TMEM170B: variants seen among roughly 807,000 people sequenced by gnomAD.
TMEM170B encodes the protein transmembrane protein 170B.
Under a neutral mutation model 13.0 loss-of-function variants are expected in TMEM170B, and 6 were observed. The observed-to-expected ratio is 0.46, with a 90% confidence interval of 0.25 to 0.91. The LOEUF (loss-of-function observed/expected upper bound fraction) is 0.91, where lower values mean the gene tolerates loss of function less well. TMEM170B is among the 40% of genes least tolerant of loss of function. TMEM170B has a pLI of 0.17. For synonymous variants in TMEM170B, 61 were observed against 64.9 expected (o/e 0.94, Z 0.29); for missense variants, 138 against 165.2 (o/e 0.84, Z 0.90).
chr6:11,555,174 T>G (rs1759572106), intron 1 of TMEM170B, among the ~76,000 whole-genome samples: 1 of 151,612 alleles, frequency 6.6e-6, no homozygotes, highest in African/African-American at 2.4e-5. Context: ...GTCTTTATAG[T>G]TTTTTTTTCC....
rs141497388 is a variant in TMEM170B, at chr6:11,562,140, A to C, written c.98-3526A>C. ...TTTCCTTGTCTCAGGGTAAGTTGAG[A>C]AAAGAGCTCCCTTGATGAAAATATA... On this transcript the variant is annotated intron_variant, in intron 1 of 2. Coordinates refer to ENST00000379426, the MANE Select transcript of TMEM170B (RefSeq NM_001100829.3). Among the ~76,000 whole-genome samples the C allele has an allele frequency of 6.5e-3, 996 of 152,236 alleles. 13 individuals are homozygous for C. Among genetic ancestry groups the C allele is most frequent in the African/African-American group, 0.022 (916 of 41,526 alleles).
intron 1 of TMEM170B, among the ~76,000 whole-genome samples, chr6:11,551,930 A>G (rs923676512): frequency 1.3e-5 from 2 of 152,310 alleles, no homozygotes; most frequent in Admixed American, 1.3e-4. Context: ...CATCAGTAAT[A>G]TGAAACTGGA....
intron 1 of TMEM170B, among the ~76,000 whole-genome samples, chr6:11,545,367 T>A (rs953735916): frequency 3.3e-5 from 5 of 151,422 alleles, no homozygotes; most frequent in African/African-American, 1.2e-4. Context: ...AAAGGCAATA[T>A]GTTCCAAAAC....
Position 11,565,790 on chromosome 6 carries a change from A to G in TMEM170B, c.222A>G (p.Ala74=). 2 of 1,614,182 alleles carry G rather than the reference A, an allele frequency of 1.2e-6. No homozygotes were observed. Among genetic ancestry groups the G allele is most frequent in the Non-Finnish European group, 1.7e-6 (2 of 1,180,004 alleles). The change falls in exon 2 of 3, where the codon GCA becomes GCG. Residue 74 remains alanine, a synonymous_variant. Transcript: ENST00000379426. ...HRQGRVISVI[A]VSIGFLASVT... is the part of the protein sequence containing the mutation. ...AGGGAAGAGTCATCTCTGTCATTGC[A>G]GTCAGCATTGGATTTCTGGCTTCTG...
rs550494358 is a variant in TMEM170B at position 11,578,972 on chromosome 6, A to T, written c.*3411A>T. The T allele has an allele frequency of 6.6e-6, 1 of 152,114 alleles. No individual in the cohort carries two copies. The highest frequency in any genetic ancestry group is 1.5e-5 in the Non-Finnish European group (1 of 68,006). 9.4% of individuals were successfully genotyped at this position (152,114 alleles called of 1,614,324 possible). On this transcript the variant is annotated 3_prime_UTR_variant, in exon 3 of 3. Coordinates refer to ENST00000379426, the MANE Select transcript of TMEM170B (RefSeq NM_001100829.3). The stretch of plus-strand genomic sequence containing the variant: ...TTTTGTAAACACTTCGTGTGGATCC[A>T]CTATGTAAAGTGCTCTACCAAGTAT...
Position 11,537,760 on chromosome 6 carries a change from G to A in TMEM170B, c.-518G>A, listed in dbSNP as rs904956602. On this transcript the variant is annotated 5_prime_UTR_variant, in exon 1 of 3. Coordinates refer to ENST00000379426, the MANE Select transcript of TMEM170B (RefSeq NM_001100829.3). Reference sequence around the variant, plus strand: ...TGGAGGGGGCGGTTCCTCGAGTGTCGGCGACCCGAGGGCGGGCAGGCGGGC... The same window carrying A: ...TGGAGGGGGCGGTTCCTCGAGTGTCAGCGACCCGAGGGCGGGCAGGCGGGC... Among the ~76,000 whole-genome samples, 10 of 151,642 alleles carry A rather than the reference G, an allele frequency of 6.6e-5. No individual in the cohort carries two copies. Among genetic ancestry groups the A allele is most frequent in the Non-Finnish European group, 1.2e-4 (8 of 67,850 alleles).
At chr6:11,549,344 A>G (rs1450828709) in intron 1 of TMEM170B, among the ~76,000 whole-genome samples, 1 of 152,204 alleles carries the variant, frequency 6.6e-6, no homozygotes, top group Non-Finnish European at 1.5e-5. Context: ...ATCATAGAAT[A>G]AACAGTGGCA....
intron 1 of TMEM170B, among the ~76,000 whole-genome samples, chr6:11,550,633 TG>T (rs1426998120): frequency 6.6e-6 from 1 of 152,230 alleles, no homozygotes; most frequent in Non-Finnish European, 1.5e-5. Context: ...CACCTTTTAA[TG>T]TGCTTGGCAT....
rs370129329 is a variant in TMEM170B at position 11,565,869 on chromosome 6, G to A, written c.268+33G>A. 4.5e-5 allele frequency: 73 copies of A among 1,606,890 alleles called. 1 individual carries two copies. The East Asian group carries it at 6.7e-4, about 15-fold the overall frequency. Reference sequence around the variant, plus strand: ...GATTTTCTTTTGTCTGAGGATGTAAGTTTGTATACACTTACCATTTTGGTA... The same window carrying A: ...GATTTTCTTTTGTCTGAGGATGTAAATTTGTATACACTTACCATTTTGGTA... On this transcript the variant is annotated intron_variant, in intron 2 of 2. Transcript: ENST00000379426.
intron 1 of TMEM170B, among the ~76,000 whole-genome samples, chr6:11,565,424 A>G (rs1165399818): frequency 1.3e-5 from 2 of 152,202 alleles, no homozygotes; most frequent in Non-Finnish European, 2.9e-5. Context: ...GGGCATTTAG[A>G]AGAAATTAGA....
intron 1 of TMEM170B, among the ~76,000 whole-genome samples, chr6:11,544,915 G>A (rs1366728987): frequency 6.6e-6 from 1 of 151,616 alleles, no homozygotes; most frequent in Admixed American, 6.6e-5. Flanking sequence ...CAGTTTTTTA[G>A]GTAACTTGAC....
intron 2 of TMEM170B, among the ~76,000 whole-genome samples, chr6:11,570,549 A>G (rs139901823): frequency 0.014 from 2,080 of 152,296 alleles, 27 homozygotes; most frequent in Non-Finnish European, 0.019. Flanking sequence ...AATTTGACAT[A>G]AGGGGAAATA....
At chr6:11,549,174 A>G (rs1225212378) in intron 1 of TMEM170B, among the ~76,000 whole-genome samples, 1 of 152,204 alleles carries the variant, frequency 6.6e-6, no homozygotes, top group East Asian at 1.9e-4. Flanking sequence ...TGATGGCTAT[A>G]TTTATTGAAA....
At chr6:11,563,926 C>T (rs966522755) in intron 1 of TMEM170B, among the ~76,000 whole-genome samples, 2 of 152,130 alleles carry the variant, frequency 1.3e-5, no homozygotes, top group Admixed American at 6.5e-5. Flanking sequence ...GCTGTGGTCA[C>T]GCCACTGCAC....
At chr6:11,545,734 G>GT (rs202140094) in intron 1 of TMEM170B, among the ~76,000 whole-genome samples, 1 of 149,040 alleles carries the variant, frequency 6.7e-6, no homozygotes, top group African/African-American at 2.5e-5. Context: ...ACCCCTACTT[G>GT]TTTAAAAAAA....
chr6:11,538,123 G>C lies in TMEM170B; in HGVS notation c.-155G>C, dbSNP rs1759305416. Reference sequence around the variant, plus strand: ...GCGGCCCCCCCACGGAGGCCCTCCGGCTGCAGCAGCAGCAGCGCCCGGCCC... The same window carrying C: ...GCGGCCCCCCCACGGAGGCCCTCCGCCTGCAGCAGCAGCAGCGCCCGGCCC... On this transcript the variant is annotated 5_prime_UTR_variant, in exon 1 of 3. Coordinates refer to ENST00000379426, the MANE Select transcript of TMEM170B (RefSeq NM_001100829.3). 6.6e-6 allele frequency among the ~76,000 whole-genome samples: 1 copy of C among 150,924 alleles called. No homozygotes were observed. Among genetic ancestry groups the C allele is most frequent in the Admixed American group, 6.6e-5 (1 of 15,202 alleles).
In TMEM170B at chr6:11,583,453, A is replaced by G. The variant is rs1385196215; in HGVS notation, c.*7892A>G. ...ATTGGATTAAAAATTTGTAATATAC[A>G]GTATTTTAATAAAGTTTCTGTATTC... On this transcript the variant is annotated 3_prime_UTR_variant, in exon 3 of 3. Transcript: ENST00000379426. 1 of 152,256 alleles carries G rather than the reference A, an allele frequency of 6.6e-6. No homozygotes were observed. 9.4% of individuals were successfully genotyped at this position (152,256 alleles called of 1,614,324 possible).
At chr6:11,550,356 A>G (rs984604925) in intron 1 of TMEM170B, among the ~76,000 whole-genome samples, 1 of 151,876 alleles carries the variant, frequency 6.6e-6, no homozygotes, top group Non-Finnish European at 1.5e-5. Flanking sequence ...TTTATTTAGT[A>G]GAGATGGGGT....
chr6:11,546,854 C>G (rs1281633564), intron 1 of TMEM170B, among the ~76,000 whole-genome samples: 1 of 152,106 alleles, frequency 6.6e-6, no homozygotes, highest in Non-Finnish European at 1.5e-5. Flanking sequence ...AGAATGTATC[C>G]CCGTCATTAG....
Sources: allele counts gnomAD v4.1 joint callset (sites outside exome capture counted in the v4.1 genomes callset), GRCh38; gene constraint gnomAD v4.1.1; transcripts MANE v1.5; gene names NCBI Gene and HGNC (gene_info 2026-07-23, HGNC 2026-07-21).